Variants in OR52K1 observed in about 807,000 individuals in gnomAD.
OR52K1 encodes the protein olfactory receptor 52K1.
OR52K1 carries 10 observed loss-of-function variants against 8.7 expected under a neutral mutation model. The observed-to-expected ratio is 1.15, with a 90% CI of 0.71 to 1.95. The LOEUF (loss-of-function observed/expected upper bound fraction) is 1.95. Ranked by LOEUF, OR52K1 falls within the 30% of genes most tolerant of loss-of-function variation. OR52K1 has a pLI of 0.00. For synonymous variants in OR52K1, 203 were observed against 148.5 expected (o/e 1.37, Z -2.67); for missense variants, 431 against 397.2 (o/e 1.08, Z -0.72).
At chr11:4,483,293 C>A (rs1846295333) in intron 1 of OR52K1, 117 bp downstream of exon 1, 1 of 397,290 alleles carries the variant, frequency 2.5e-6, no homozygotes, top group Non-Finnish European at 4.4e-6. Flanking sequence ...ATTCTGATAT[C>A]CTTTTAAGAT....
rs201542937 is a variant in OR52K1, at chr11:4,489,351, G to A, written c.451G>A (p.Val151Met). Reference protein sequence around the residue: ...SLITKIGMAAVARAVTLMTPL... With the variant: ...SLITKIGMAAMARAVTLMTPL... ...CATCACCAAGATTGGCATGGCTGCT[G>A]TGGCCCGGGCTGTGACACTAATGAC... The change falls in exon 2 of 2, where the codon GTG (valine) becomes ATG (methionine). Residue 151 changes from valine (V) to methionine (M), a missense_variant. Transcript: ENST00000641528. The A allele has an allele frequency of 2.5e-6, 4 of 1,614,160 alleles. No homozygotes were observed. The East Asian group carries it at 8.9e-5, about 36-fold the overall frequency.
chr11:4,484,145 A>G (rs1198730610), intron 1 of OR52K1, among the ~76,000 whole-genome samples: 3 of 152,190 alleles, frequency 2.0e-5, no homozygotes. Flanking sequence ...TATGTATGTT[A>G]GAGGCTGGGT....
At chr11:4,487,311 G>A (rs1486168840) in intron 1 of OR52K1, among the ~76,000 whole-genome samples, 1 of 152,076 alleles carries the variant, frequency 6.6e-6, no homozygotes, top group African/African-American at 2.4e-5. Flanking sequence ...GCACACTAAG[G>A]AATTATACAA....
intron 1 of OR52K1, among the ~76,000 whole-genome samples, chr11:4,486,884 G>A (rs1325921669): frequency 6.6e-6 from 1 of 152,164 alleles, no homozygotes; most frequent in Non-Finnish European, 1.5e-5. Context: ...CTTACAGTTA[G>A]GGCAGAAGCA....
At chr11:4,486,849 G>A (rs1278591769) in intron 1 of OR52K1, among the ~76,000 whole-genome samples, 2 of 152,180 alleles carry the variant, frequency 1.3e-5, no homozygotes, top group African/African-American at 2.4e-5. Context: ...TTGAAAAGAT[G>A]CTTGAGAACT....
chr11:4,489,563 C>T lies in OR52K1; in HGVS notation c.663C>T (p.Val221=). The change falls in exon 2 of 2, where the codon GTC becomes GTT. Residue 221 remains valine (V), a synonymous_variant. Coordinates refer to ENST00000641528, the MANE Select transcript of OR52K1 (RefSeq NM_001005171.3). ...LDLLFVILSY[V]FILQAVLQLA... is the part of the protein sequence containing the mutation. ...TGCTCTTTGTTATCCTGTCTTATGT[C>T]TTCATCCTTCAGGCAGTTCTCCAGC... 1 of 1,614,204 alleles carries T rather than the reference C, an allele frequency of 6.2e-7. No homozygotes were observed. Among genetic ancestry groups the T allele is most frequent in the Non-Finnish European group, 8.5e-7 (1 of 1,180,050 alleles).
rs774055555 is a variant in OR52K1, at chr11:4,489,189, T to C, written c.289T>C (p.Phe97Leu). The C allele has an allele frequency of 1.2e-5, 19 of 1,614,122 alleles. No homozygotes were observed. In the South Asian group the frequency reaches 1.9e-4, roughly 16 times the overall value. ...GTTCAGGGATCAGGAGATCAACTTC[T>C]TTGCCTGTCTGGTCCAGATGTTCTT... ...FWFRDQEINFFACLVQMFFLH... is the reference protein window; with the variant it reads ...FWFRDQEINFLACLVQMFFLH... Residue 97 changes from phenylalanine (F) to leucine (L), a missense_variant, in exon 2 of 2, where the codon TTT becomes CTT. Transcript: ENST00000641528.
chr11:4,485,190 T>A (rs879404474), intron 1 of OR52K1, among the ~76,000 whole-genome samples: 2,859 of 152,316 alleles, frequency 0.019, 4 homozygotes, highest in African/African-American at 0.065. Flanking sequence ...TGGGGATGTT[T>A]CTATCTTAAT....
intron 1 of OR52K1, 48 bp from the exon 2 acceptor site, chr11:4,488,525 T>G (rs900250916): frequency 1.1e-5 from 2 of 186,072 alleles, no homozygotes; most frequent in Non-Finnish European, 2.3e-5. Flanking sequence ...TACCAATGTA[T>G]GTGCTAAAGA....
chr11:4,488,927 A>T lies in OR52K1; in HGVS notation c.27A>T (p.Thr9=), dbSNP rs1388351203. 2 of 1,613,846 alleles carry T rather than the reference A, an allele frequency of 1.2e-6. No homozygotes were observed. Among genetic ancestry groups the T allele is most frequent in the Admixed American group, 3.3e-5 (2 of 59,990 alleles). ...TGCTTCCCTCTAATATCACCTCAACACATCCAGCTGTCTTTTTGTTGGTAG... is the reference window on the plus strand; with the variant it reads ...TGCTTCCCTCTAATATCACCTCAACTCATCCAGCTGTCTTTTTGTTGGTAG... MLPSNITS[T]HPAVFLLVGI... is the part of the protein sequence containing the mutation. Residue 9 remains threonine, a synonymous_variant, in exon 2 of 2, where the codon ACA becomes ACT. Transcript: ENST00000641528.
chr11:4,485,671 A>G (rs902299904), intron 1 of OR52K1, among the ~76,000 whole-genome samples: 3 of 152,148 alleles, frequency 2.0e-5, no homozygotes, highest in Non-Finnish European at 4.4e-5. Flanking sequence ...GATTCCTGCA[A>G]TAGTCTCCAG....
rs777771146 is a variant in OR52K1, at chr11:4,489,139, T to C, written c.239T>C (p.Leu80Pro). 128 of 1,614,140 alleles carry C rather than the reference T, an allele frequency of 7.9e-5. No individual in the cohort carries two copies. The highest frequency in any genetic ancestry group is 1.1e-4 in the Non-Finnish European group (125 of 1,180,048). The change falls in exon 2 of 2, where the codon CTG becomes CCG. Residue 80 changes from leucine (L) to proline (P), a missense_variant. By Grantham distance (98) the Leu-to-Pro change is moderately conservative. Transcript: ENST00000641528. Reference sequence around the variant, plus strand: ...GACTTGGTTCTTTCTTCTACAACGCTGCCCAAAATGCTTGCCATATTCTGG... The same window carrying C: ...GACTTGGTTCTTTCTTCTACAACGCCGCCCAAAATGCTTGCCATATTCTGG... ...TIDLVLSSTT[L>P]PKMLAIFWFR...
At position 4,493,344 on chromosome 11, in the gene OR52K1, C is replaced by CT. The variant is rs1412476216; in HGVS notation, c.*3501dup. ...TTCTGGGTCTGTTAGTAACGGGTGT[C>CT]TTCCCTAGGAACTGACTACTACTAG... On this transcript the variant is annotated 3_prime_UTR_variant, in exon 2 of 2. Coordinates refer to ENST00000641528, the MANE Select transcript of OR52K1 (RefSeq NM_001005171.3). 6.6e-6 allele frequency: 1 copy of CT among 152,190 alleles called. No individual in the cohort carries two copies. The highest frequency in any genetic ancestry group is 2.4e-5 in the African/African-American group (1 of 41,446). 9.4% of individuals were successfully genotyped at this position (152,190 alleles called of 1,614,324 possible).
rs567722529 is a variant in OR52K1, at chr11:4,491,702, A to C, written c.*1857A>C. 2.6e-5 allele frequency: 4 copies of C among 151,920 alleles called. No individual in the cohort carries two copies. The South Asian group carries it at 6.2e-4, about 24-fold the overall frequency. The allele number at this position is 151,920 out of a possible 1,614,324, so 9.4% of individuals were successfully genotyped here. On this transcript the variant is annotated 3_prime_UTR_variant, in exon 2 of 2. Coordinates refer to ENST00000641528, the MANE Select transcript of OR52K1 (RefSeq NM_001005171.3). ...GGGGAATAGAAAAATAAAATACCACATGTTCTCACTTATAAGTGGGAACTA... is the reference window on the plus strand; with the variant it reads ...GGGGAATAGAAAAATAAAATACCACCTGTTCTCACTTATAAGTGGGAACTA...
At position 4,490,379 on chromosome 11, in the gene OR52K1, A is replaced by T. The variant is rs928056621; in HGVS notation, c.*534A>T. 1 of 153,568 alleles carries T rather than the reference A, an allele frequency of 6.5e-6. No individual in the cohort carries two copies. Among genetic ancestry groups the T allele is most frequent in the African/African-American group, 2.4e-5 (1 of 41,438 alleles). The allele number at this position is 153,568 out of a possible 1,614,324, so 9.5% of individuals were successfully genotyped here. On this transcript the variant is annotated 3_prime_UTR_variant, in exon 2 of 2. Transcript: ENST00000641528. ...GACAGCTCCATTTATAAGTAGATCT[A>T]TTTCTTCCATTAAGTCAATTCCTCT...
At chr11:4,484,828 ACACAGAC>A (rs1190477346) in intron 1 of OR52K1, among the ~76,000 whole-genome samples, 6 of 64,360 alleles carry the variant, frequency 9.3e-5, no homozygotes, top group Non-Finnish European at 1.9e-4. Flanking sequence ...GTTCTAAAAC[ACACAGAC>A]ACACACACAC....
At chr11:4,483,785 G>A (rs979020559) in intron 1 of OR52K1, among the ~76,000 whole-genome samples, 12 of 147,296 alleles carry the variant, frequency 8.1e-5, no homozygotes, top group Non-Finnish European at 1.7e-4. Flanking sequence ...CAGGTTTGTG[G>A]GATTATTTCA....
intron 1 of OR52K1, among the ~76,000 whole-genome samples, chr11:4,484,767 C>G (rs1194280363): frequency 1.3e-5 from 2 of 151,302 alleles, no homozygotes; most frequent in Non-Finnish European, 1.5e-5. Flanking sequence ...TAAGTTTCAA[C>G]TTTTCCCCTA....
intron 1 of OR52K1, among the ~76,000 whole-genome samples, chr11:4,487,230 G>T (rs1564831902): frequency 6.6e-6 from 1 of 152,150 alleles, no homozygotes; most frequent in Non-Finnish European, 1.5e-5. Context: ...TGTCACGGTA[G>T]ATTAATCAAC....
Sources: gnomAD v4.1 joint callset for allele counts (sites outside exome capture counted in the v4.1 genomes callset) on GRCh38, gnomAD v4.1.1 for gene constraint, MANE v1.5 for transcripts, NCBI Gene and HGNC (gene_info 2026-07-23, HGNC 2026-07-21) for gene names.